Variants in SGCZ observed in about 807,000 individuals in gnomAD.
The protein encoded by SGCZ is zeta-sarcoglycan.
A neutral mutation model predicts 41.3 loss-of-function variants in SGCZ; 40 were observed. The ratio of observed to expected loss-of-function variants is 0.97; its 90% CI spans 0.75 to 1.26. SGCZ has a LOEUF of 1.26. Among genes scored for constraint, SGCZ ranks in the 50% most tolerant of loss-of-function variants. The pLI, the probability that SGCZ is intolerant of heterozygous loss-of-function variation, is 0.00. For missense variants in SGCZ, 552 were observed against 369.8 expected, an observed-to-expected ratio of 1.49 and a Z score of -4.04; for synonymous variants, 206 against 137.5, an observed-to-expected ratio of 1.50 and a Z score of -3.49.
chr8:14,295,384 G>A (rs1800973571), intron 3 of SGCZ, among the ~76,000 whole-genome samples: 3 of 152,102 alleles, frequency 2.0e-5, no homozygotes, highest in Non-Finnish European at 4.4e-5. Flanking sequence ...TGGACACGGT[G>A]TTGTCACTTG....
At chr8:14,879,109 G>C (rs1022700096) in intron 1 of SGCZ, 5 of 152,108 alleles carry the variant, frequency 3.3e-5, no homozygotes, top group African/African-American at 1.2e-4. Flanking sequence ...AGGATAGCTT[G>C]AGCTCAGGAA....
At chr8:14,782,907 A>T (rs1288845208) in intron 1 of SGCZ, among the ~76,000 whole-genome samples, 1 of 152,156 alleles carries the variant, frequency 6.6e-6, no homozygotes, top group African/African-American at 2.4e-5. Context: ...TAGAAATAAG[A>T]TGTGCTGAAT....
chr8:14,394,994 C>G (rs1393237663), intron 2 of SGCZ, among the ~76,000 whole-genome samples: 2 of 152,058 alleles, frequency 1.3e-5, no homozygotes, highest in East Asian at 1.9e-4. Context: ...CACTTGGGAA[C>G]TTTGTTTCCT....
chr8:14,394,439 G>A (rs1167578603), intron 2 of SGCZ, among the ~76,000 whole-genome samples: 4 of 152,042 alleles, frequency 2.6e-5, no homozygotes, highest in African/African-American at 7.2e-5. Flanking sequence ...ATGAGCCACC[G>A]TGCCCAGCCC....
At chr8:15,175,934 CAGGGTAAA>C (rs1418695818) in intron 1 of SGCZ, among the ~76,000 whole-genome samples, 4 of 152,016 alleles carry the variant, frequency 2.6e-5, no homozygotes, top group Admixed American at 2.6e-4. Context: ...GGGCTAAATT[CAGGGTAAA>C]AATGGAAACG....
At chr8:14,824,955 A>C (rs1019674530) in intron 1 of SGCZ, among the ~76,000 whole-genome samples, 2 of 152,132 alleles carry the variant, frequency 1.3e-5, no homozygotes, top group African/African-American at 4.8e-5. Flanking sequence ...AGACTCTGGT[A>C]GACATACTGT....
chr8:14,887,394 T>C (rs992037420), intron 1 of SGCZ, among the ~76,000 whole-genome samples: 18 of 152,212 alleles, frequency 1.2e-4, no homozygotes, highest in African/African-American at 4.1e-4. Context: ...TTTTTCTGAC[T>C]GCATTATCAT....
intron 1 of SGCZ, among the ~76,000 whole-genome samples, chr8:14,690,113 C>CTT (rs34143581): frequency 0.011 from 1,517 of 137,204 alleles, 26 homozygotes; most frequent in Middle Eastern, 0.04. Context: ...AGTGTTGTCT[C>CTT]TTTTTTTTTT....
chr8:14,904,777 A>C (rs1406498202), intron 1 of SGCZ, among the ~76,000 whole-genome samples: 3 of 151,884 alleles, frequency 2.0e-5, no homozygotes, highest in Admixed American at 1.3e-4. Context: ...GTTTTGATTT[A>C]TTTTACACTT....
In SGCZ at chr8:15,021,432, T is replaced by C. The variant is rs543615562; in HGVS notation, c.39+216153A>G. Among the ~76,000 whole-genome samples, 45 of 152,340 alleles carry C rather than the reference T, an allele frequency of 3.0e-4. 1 individual carries two copies. The South Asian group carries it at 6.2e-3, about 21-fold the overall frequency. On this transcript the variant is annotated intron_variant, in intron 1 of 7. Coordinates refer to ENST00000382080, the MANE Select transcript of SGCZ (RefSeq NM_139167.4). The stretch of plus-strand genomic sequence containing the variant: ...GGGCCTCACTTACGTGGCTATTACA[T>C]AGCATACAGATCAGAATCTGTTGGC...
intron 4 of SGCZ, among the ~76,000 whole-genome samples, chr8:14,210,769 A>G (rs893255913): frequency 1.2e-4 from 19 of 152,198 alleles, no homozygotes; most frequent in African/African-American, 3.9e-4. Flanking sequence ...ACCCAGCCCA[A>G]TTATTTCTAA....
chr8:14,228,248 C>A, intron 4 of SGCZ, among the ~76,000 whole-genome samples: 1 of 152,036 alleles, frequency 6.6e-6, no homozygotes, highest in East Asian at 1.9e-4. Context: ...ATTCCGACGT[C>A]CCACAAAGGA....
intron 3 of SGCZ, among the ~76,000 whole-genome samples, chr8:14,253,188 CAT>C (rs1038208343): frequency 1.3e-5 from 2 of 150,900 alleles, no homozygotes; most frequent in African/African-American, 2.4e-5. Flanking sequence ...AACTTAGAAA[CAT>C]ATATTATCAT....
At chr8:14,635,685 G>A (rs1325836925) in intron 1 of SGCZ, among the ~76,000 whole-genome samples, 2 of 151,788 alleles carry the variant, frequency 1.3e-5, no homozygotes, top group East Asian at 3.9e-4. Context: ...AGATGGAAAA[G>A]TGATTAAATT....
chr8:15,058,264 T>C (rs982660230), intron 1 of SGCZ, among the ~76,000 whole-genome samples: 3 of 152,304 alleles, frequency 2.0e-5, no homozygotes, highest in African/African-American at 4.8e-5. Flanking sequence ...ATATTCTCCA[T>C]GTATCTTTTC....
At chr8:15,073,128 T>C (rs560040965) in intron 1 of SGCZ, among the ~76,000 whole-genome samples, 1 of 151,118 alleles carries the variant, frequency 6.6e-6, no homozygotes, top group African/African-American at 2.4e-5. Context: ...TAAAGGCCAG[T>C]GCTGCAAAGC....
intron 1 of SGCZ, among the ~76,000 whole-genome samples, chr8:15,186,071 A>T (rs1418102824): frequency 1.4e-5 from 2 of 143,408 alleles, no homozygotes; most frequent in Non-Finnish European, 1.5e-5. Context: ...AAAATAAAAA[A>T]AATAAATAAA....
intron 1 of SGCZ, among the ~76,000 whole-genome samples, chr8:14,933,569 C>T (rs1799988405): frequency 1.3e-5 from 2 of 151,724 alleles, no homozygotes; most frequent in East Asian, 1.9e-4. Flanking sequence ...GTAGCTGGGA[C>T]TACAGGCGCC....
intron 3 of SGCZ, among the ~76,000 whole-genome samples, chr8:14,249,159 G>A (rs988090619): frequency 5.9e-5 from 9 of 152,114 alleles, no homozygotes; most frequent in African/African-American, 2.2e-4. Flanking sequence ...AGTGTAGTTG[G>A]ACCTAAATAG....
Sources: gnomAD v4.1 joint callset for allele counts (sites outside exome capture counted in the v4.1 genomes callset) on GRCh38, gnomAD v4.1.1 for gene constraint, MANE v1.5 for transcripts, NCBI Gene and HGNC (gene_info 2026-07-23, HGNC 2026-07-21) for gene names.